The following POLR1D variants were observed in gnomAD, a reference collection of about 807,000 sequenced individuals.
The protein encoded by POLR1D is RNA polymerase I and III subunit D, also known as DNA-directed RNA polymerases I and III subunit RPAC2.
Under a neutral mutation model 10.8 loss-of-function variants are expected in POLR1D, and 8 were observed. The observed-to-expected ratio is 0.74, with a 90% confidence interval of 0.43 to 1.33. POLR1D has a LOEUF of 1.33. POLR1D is among the 40% of genes most tolerant of loss of function. The pLI is 0.01. For missense variants in POLR1D, 152 were observed against 161.7 expected (o/e 0.94, Z 0.32); for synonymous variants, 54 against 57.2 (o/e 0.94, Z 0.25).
chr13:27,659,314 C>A (rs1446216587), intron 2 of POLR1D, among the ~76,000 whole-genome samples: 2 of 152,184 alleles, frequency 1.3e-5, no homozygotes, highest in African/African-American at 4.8e-5. Flanking sequence ...CAAGTGATCA[C>A]AGTGTGGCAT....
intron 1 of POLR1D, among the ~76,000 whole-genome samples, chr13:27,631,587 C>T (rs188285753): frequency 6.6e-6 from 1 of 152,298 alleles, no homozygotes; most frequent in East Asian, 1.9e-4. Context: ...CTCTCTATTC[C>T]TTTACCTTGC....
chr13:27,665,503 C>T lies in POLR1D; in HGVS notation c.102-183C>T. 3 of 624,554 alleles carry T rather than the reference C, an allele frequency of 4.8e-6. No individual in the cohort carries two copies. The South Asian group carries it at 5.8e-5, about 12-fold the overall frequency. The allele number at this position is 624,554 out of a possible 1,614,324, so 38.7% of individuals were successfully genotyped here. ...CCAGTCTTGTCTCAAGAATTCCAAT[C>T]GTCTTTTTTTTTCCTCCCTGGTACT... is the stretch of plus-strand genomic sequence containing the variant. On this transcript the variant is annotated intron_variant, in intron 2 of 2. Coordinates refer to the POLR1D transcript ENST00000399697.
intron 1 of POLR1D, among the ~76,000 whole-genome samples, chr13:27,628,989 GT>G (rs1173597694): frequency 1.3e-5 from 2 of 151,408 alleles, no homozygotes; most frequent in Non-Finnish European, 3.0e-5. Flanking sequence ...CTAATTGTTT[GT>G]TTTTGTTTTT....
intron 2 of POLR1D, among the ~76,000 whole-genome samples, chr13:27,655,399 T>C (rs1174028962): frequency 6.6e-6 from 1 of 152,228 alleles, no homozygotes. Flanking sequence ...ATGAAATTAA[T>C]GTATAATTTC....
chr13:27,623,068 C>A lies in POLR1D; in HGVS notation c.220C>A (p.His74Asn). ...GGAATTTTGTGGTTACACTACGACC[C>A]ATCCTTCAGAGAGCAAAATTAATTT... ...EVEFCGYTTT[H>N]PSESKINLRI... Residue 74 changes from histidine to asparagine, a missense_variant, in exon 2 of 2, where the codon CAT (histidine) becomes AAT (asparagine). Transcript: ENST00000302979. 1.2e-6 allele frequency: 2 copies of A among 1,614,030 alleles called. No homozygotes were observed. The highest frequency in any genetic ancestry group is 1.7e-6 in the Non-Finnish European group (2 of 1,179,934).
chr13:27,659,890 G>A (rs1161074229), intron 2 of POLR1D, among the ~76,000 whole-genome samples: 3 of 144,346 alleles, frequency 2.1e-5, no homozygotes, highest in African/African-American at 8.3e-5. Context: ...AGCATAATGC[G>A]TTGCATATCT....
At chr13:27,627,727 GTTTTT>G (rs57621806), downstream of POLR1D, among the ~76,000 whole-genome samples, 42 of 95,396 alleles carry the variant, frequency 4.4e-4, no homozygotes, top group African/African-American at 1.3e-3. Context: ...TAAAGTTTTA[GTTTTT>G]TTTTTTTTTT....
intron 2 of POLR1D, among the ~76,000 whole-genome samples, chr13:27,657,038 C>T (rs181350871): frequency 1.1e-3 from 172 of 152,198 alleles, no homozygotes; most frequent in African/African-American, 3.8e-3. Context: ...CATGGGACCC[C>T]GTAACGCATA....
chr13:27,629,142 G>A (rs1956048168), intron 1 of POLR1D, among the ~76,000 whole-genome samples: 1 of 152,138 alleles, frequency 6.6e-6, no homozygotes, highest in Non-Finnish European at 1.5e-5. Context: ...CCTTCCTTAG[G>A]AACAGAAATT....
chr13:27,637,988 T>C (rs1956141686), intron 1 of POLR1D, among the ~76,000 whole-genome samples: 2 of 152,148 alleles, frequency 1.3e-5, no homozygotes, highest in Admixed American at 6.5e-5. Flanking sequence ...GAAAATATTG[T>C]CTACGTATAT....
chr13:27,655,503 C>G (rs1174838741), intron 2 of POLR1D, among the ~76,000 whole-genome samples: 1 of 152,144 alleles, frequency 6.6e-6, no homozygotes, highest in Non-Finnish European at 1.5e-5. Context: ...GTTCCACATA[C>G]TGGATTTGCC....
chr13:27,623,992 T>C (rs77384792), downstream of POLR1D, among the ~76,000 whole-genome samples: 2,535 of 152,304 alleles, frequency 0.017, 27 homozygotes, highest in Middle Eastern at 0.041. Context: ...TAAGTAGGTA[T>C]AGCCTAGGGT....
At chr13:27,622,378 G>T (rs1955950593) in intron 1 of POLR1D, 1 of 354,908 alleles carries the variant, frequency 2.8e-6, no homozygotes, top group Admixed American at 4.4e-5. Context: ...CACTCTGTGC[G>T]CTGAGCTCTT....
chr13:27,628,725 G>T (rs182054701), intron 1 of POLR1D, among the ~76,000 whole-genome samples: 4 of 152,260 alleles, frequency 2.6e-5, no homozygotes, highest in Admixed American at 2.6e-4. Flanking sequence ...AAGAATATTG[G>T]ACTACTCTGT....
chr13:27,662,255 T>A (rs1956371428), intron 2 of POLR1D, among the ~76,000 whole-genome samples: 1 of 152,116 alleles, frequency 6.6e-6, no homozygotes, highest in Non-Finnish European at 1.5e-5. Context: ...TAAAATAATA[T>A]ATGTCCACCA....
chr13:27,650,288 T>C (rs1259545324), intron 2 of POLR1D: 2 of 379,272 alleles, frequency 5.3e-6, no homozygotes, highest in African/African-American at 4.1e-5. Context: ...TGTGTGATAA[T>C]AGGCATGGAA....
intron 2 of POLR1D, among the ~76,000 whole-genome samples, chr13:27,662,232 C>T (rs932339235): frequency 6.6e-5 from 10 of 152,102 alleles, no homozygotes; most frequent in Non-Finnish European, 1.5e-4. Context: ...TACTCTTTCT[C>T]ATGAAGAGAG....
chr13:27,662,870 T>C (rs537275649), intron 2 of POLR1D, among the ~76,000 whole-genome samples: 70 of 152,278 alleles, frequency 4.6e-4, no homozygotes, highest in Middle Eastern at 6.8e-3. Context: ...CCCTTTAAGA[T>C]AGTCGCCATT....
chr13:27,644,004 G>T (rs1956197517), intron 1 of POLR1D, among the ~76,000 whole-genome samples: 1 of 152,156 alleles, frequency 6.6e-6, no homozygotes, highest in African/African-American at 2.4e-5. Context: ...ACAGCTAGCT[G>T]ATCAAAGGTG....
Sources: allele counts gnomAD v4.1 joint callset (sites outside exome capture counted in the v4.1 genomes callset), GRCh38; gene constraint gnomAD v4.1.1; transcripts MANE v1.5; gene names NCBI Gene and HGNC (gene_info 2026-07-23, HGNC 2026-07-21).